The following CCN4 variants were observed in gnomAD, a reference collection of about 807,000 sequenced individuals.
CCN4 encodes the protein cellular communication network factor 4, also known as CCN family member 4.
In CCN4, 30 loss-of-function variants were observed where a neutral mutation model predicts 36.7. That is an observed-to-expected ratio of 0.82 (90% CI 0.61 to 1.11). The LOEUF (loss-of-function observed/expected upper bound fraction) is 1.11, where lower values mean the gene tolerates loss of function less well. Among genes scored for constraint, CCN4 ranks in the 50% least tolerant of loss-of-function variants. The pLI, the probability that CCN4 is intolerant of heterozygous loss-of-function variation, is 0.00. For synonymous variants in CCN4, 191 were observed against 195.4 expected, an observed-to-expected ratio of 0.98 and a Z score of 0.19; for missense variants, 505 against 504.9, an observed-to-expected ratio of 1.00 and a Z score of 0.00.
chr8:133,204,756 T>C (rs1318808965), intron 1 of CCN4, among the ~76,000 whole-genome samples: 1 of 152,222 alleles, frequency 6.6e-6, no homozygotes, highest in Admixed American at 6.5e-5. Context: ...GGTTTTGCCA[T>C]GTTGGCCAGG....
intron 1 of CCN4, among the ~76,000 whole-genome samples, chr8:133,208,205 C>A (rs112035553): frequency 6.6e-6 from 1 of 152,094 alleles, no homozygotes; most frequent in South Asian, 2.1e-4. Context: ...AGGGCTAGGG[C>A]AAGACAGTCC....
chr8:133,217,909 AGTTCCGGGCTTAG>A (rs1854379325), intron 2 of CCN4, among the ~76,000 whole-genome samples: 1 of 75,564 alleles, frequency 1.3e-5, no homozygotes, highest in African/African-American at 5.4e-5. Context: ...GCAGGGACAG[AGTTCCGGGCTTAG>A]CCCACTCCCT....
At chr8:133,221,426 T>A (rs1326410011) in intron 3 of CCN4, among the ~76,000 whole-genome samples, 2 of 152,198 alleles carry the variant, frequency 1.3e-5, no homozygotes, top group African/African-American at 2.4e-5. Context: ...GATGGATGGA[T>A]GAAGAATAGA....
At position 133,191,197 on chromosome 8, in the gene CCN4, G is replaced by A. The variant is rs1355291304; in HGVS notation, c.53G>A (p.Ser18Asn). Residue 18 changes from serine (S) to asparagine (N), a missense_variant, in exon 1 of 5, where the codon AGC becomes AAC. By Grantham distance (46) the Ser-to-Asn change is conservative. Coordinates refer to ENST00000250160, the MANE Select transcript of CCN4 (RefSeq NM_003882.4). ...GCAGCAGTGACAGCAGCAGCCGCCA[G>A]CACCGTCCTGGCCACGGTGAGTCCT... ...TLAAVTAAAASTVLATALSPA... is the reference protein window; with the variant it reads ...TLAAVTAAAANTVLATALSPA... 2 of 1,606,208 alleles carry A rather than the reference G, an allele frequency of 1.2e-6. No individual in the cohort carries two copies. The highest frequency in any genetic ancestry group is 8.5e-7 in the Non-Finnish European group (1 of 1,179,716).
In CCN4 at chr8:133,214,156, C is replaced by CTA. The variant is rs138189096; in HGVS notation, c.349+1024_349+1025dup. 3.7e-5 allele frequency among the ~76,000 whole-genome samples: 5 copies of CTA among 135,852 alleles called. 1 individual carries two copies. Among genetic ancestry groups the CTA allele is most frequent in the Admixed American group, 3.0e-4 (4 of 13,362 alleles). The allele number at this position is 135,852 out of a possible 152,430, so 89.1% of individuals were successfully genotyped here. A position where few individuals can be genotyped will look rare whatever the true frequency, so the allele number is the denominator to read the frequency against. On this transcript the variant is annotated intron_variant, in intron 2 of 4. Transcript: ENST00000250160. ...ATATAACAGTAGTTATATATAACTA[C>CTA]TATATATATATAATTGCTACTATAA...
intron 2 of CCN4, among the ~76,000 whole-genome samples, chr8:133,216,016 G>A (rs564661748): frequency 4.2e-4 from 63 of 151,562 alleles, no homozygotes; most frequent in African/African-American, 1.5e-3. Context: ...CAAACACACA[G>A]TTATACATAT....
intron 4 of CCN4, 32 bp downstream of exon 4, chr8:133,225,615 T>C (rs372751809): frequency 1.3e-6 from 2 of 1,506,366 alleles, no homozygotes; most frequent in African/African-American, 2.8e-5. Context: ...ATGTCTAGAC[T>C]TCACAAGCAG....
rs73711810 is a variant in CCN4, at chr8:133,213,085, G to T, written c.291G>T (p.Arg97=). 9.9e-6 allele frequency: 16 copies of T among 1,613,962 alleles called. No homozygotes were observed. The Admixed American group carries it at 2.7e-4, about 27-fold the overall frequency. The part of the protein sequence containing the change: ...CTEAAICDPH[R]GLYCDYSGDR... ...AGGCTGCCATCTGTGACCCCCACCGGGGCCTCTACTGTGACTACAGCGGGG... is the reference window on the plus strand; with the variant it reads ...AGGCTGCCATCTGTGACCCCCACCGTGGCCTCTACTGTGACTACAGCGGGG... The change falls in exon 2 of 5, where the codon CGG becomes CGT. Residue 97 remains arginine (R), a synonymous_variant. Coordinates refer to ENST00000250160, the MANE Select transcript of CCN4 (RefSeq NM_003882.4).
chr8:133,224,055 C>T (rs1401312465), intron 3 of CCN4, among the ~76,000 whole-genome samples: 4 of 151,972 alleles, frequency 2.6e-5, no homozygotes, highest in Admixed American at 6.5e-5. Flanking sequence ...CTTTCATAGG[C>T]GTGAAGTCAT....
chr8:133,216,781 T>G (rs908340855), intron 2 of CCN4, among the ~76,000 whole-genome samples: 9 of 152,270 alleles, frequency 5.9e-5, no homozygotes, highest in African/African-American at 2.2e-4. Flanking sequence ...CGTGACCATG[T>G]GCACATCACT....
rs59929763 is a variant in CCN4 at position 133,224,229 on chromosome 8, C to CTTTTTTTTTTTTT, written c.611-1144_611-1132dup. ...GATTTGAATTTGAAGCCCGTAAGTCCTTTTTTTTTTTTTTTTTTTTTTTTT... is the reference window on the plus strand; with the variant it reads ...GATTTGAATTTGAAGCCCGTAAGTCCTTTTTTTTTTTTTTTTTTTTTTTTTTTTTTTTTTTTTT... On this transcript the variant is annotated intron_variant, in intron 3 of 4. Transcript: ENST00000250160. Among the ~76,000 whole-genome samples, 2 of 88,494 alleles carry CTTTTTTTTTTTTT rather than the reference C, an allele frequency of 2.3e-5. 1 individual carries two copies. The allele number at this position is 88,494 out of a possible 152,430, so 58.1% of individuals were successfully genotyped here.
At chr8:133,192,684 C>A (rs996565446) in intron 1 of CCN4, among the ~76,000 whole-genome samples, 1 of 152,104 alleles carries the variant, frequency 6.6e-6, no homozygotes, top group Non-Finnish European at 1.5e-5. Context: ...TATAGCTTTG[C>A]AGGTTGCTAT....
intron 4 of CCN4, 66 bp from the exon 5 acceptor site, chr8:133,227,345 C>T: frequency 6.6e-7 from 1 of 1,513,032 alleles, no homozygotes; most frequent in Non-Finnish European, 8.9e-7. Context: ...ACTGGGGGCT[C>T]AGGGGAAGAA....
intron 1 of CCN4, among the ~76,000 whole-genome samples, chr8:133,197,301 C>A (rs755122670): frequency 1.6e-4 from 25 of 151,964 alleles, no homozygotes; most frequent in Non-Finnish European, 1.6e-4. Flanking sequence ...GAGGATGGTT[C>A]CAGTGTGGAA....
At position 133,227,552 on chromosome 8, in the gene CCN4, A is replaced by G; in HGVS notation, c.946A>G (p.Lys316Glu). The G allele has an allele frequency of 6.2e-7, 1 of 1,614,206 alleles. No homozygotes were observed. The highest frequency in any genetic ancestry group is 1.1e-5 in the South Asian group (1 of 91,084). Residue 316 changes from lysine to glutamate, a missense_variant, in exon 5 of 5, where the codon AAG (lysine) becomes GAG (glutamate). Transcript: ENST00000250160. Reference protein sequence around the residue: ...DNRCCIPYKSKTIDVSFQCPD... With the variant: ...DNRCCIPYKSETIDVSFQCPD... Reference sequence around the variant, plus strand: ...TAGGTGCTGCATCCCCTACAAGTCTAAGACTATCGACGTGTCCTTCCAGTG... The same window carrying G: ...TAGGTGCTGCATCCCCTACAAGTCTGAGACTATCGACGTGTCCTTCCAGTG...
At chr8:133,222,118 T>C (rs1440802497) in intron 3 of CCN4, among the ~76,000 whole-genome samples, 1 of 150,886 alleles carries the variant, frequency 6.6e-6, no homozygotes, top group Non-Finnish European at 1.5e-5. Context: ...GATCAATTAA[T>C]GGATGGATGG....
In CCN4 at chr8:133,230,736, AAGGGAAGG is replaced by A. The variant is rs2130637880; in HGVS notation, c.*3029_*3036del. The A allele has an allele frequency of 6.6e-6, 1 of 152,348 alleles. No homozygotes were observed. The highest frequency in any genetic ancestry group is 2.1e-4 in the South Asian group (1 of 4,832). 9.4% of individuals were successfully genotyped at this position (152,348 alleles called of 1,614,324 possible). ...TACTCAGGTGTGCTTAGGTGTGCAA[AAGGGAAGG>A]AGACCTGAATTCACCAAGTTAAATC... is the stretch of plus-strand genomic sequence containing the variant. On this transcript the variant is annotated 3_prime_UTR_variant, in exon 5 of 5. Transcript: ENST00000250160.
At chr8:133,201,844 AAAAAG>A (rs145650035) in intron 1 of CCN4, among the ~76,000 whole-genome samples, 90,867 of 147,406 alleles carry the variant, frequency 0.62, 29,337 homozygotes, top group East Asian at 0.79. Flanking sequence ...TTCAGTCTCA[AAAAAG>A]AAAAGAAAAG....
At chr8:133,192,845 G>A (rs1314258709) in intron 1 of CCN4, among the ~76,000 whole-genome samples, 1 of 152,216 alleles carries the variant, frequency 6.6e-6, no homozygotes, top group Non-Finnish European at 1.5e-5. Flanking sequence ...GAGGAGGAGT[G>A]AAGGACAGAG....
Sources: gnomAD v4.1 joint callset for allele counts (sites outside exome capture counted in the v4.1 genomes callset) on GRCh38, gnomAD v4.1.1 for gene constraint, MANE v1.5 for transcripts, NCBI Gene and HGNC (gene_info 2026-07-23, HGNC 2026-07-21) for gene names.